Variants in KALRN observed in about 807,000 individuals in gnomAD.
KALRN encodes the protein kalirin.
KALRN carries 70 observed loss-of-function variants against 353.7 expected under a neutral mutation model. That is an observed-to-expected ratio of 0.20 (90% confidence interval 0.16 to 0.24). The LOEUF (loss-of-function observed/expected upper bound fraction) is 0.24. KALRN is among the 10% of genes least tolerant of loss of function. KALRN has a pLI of 1.00. For synonymous variants in KALRN, 1,391 were observed against 1,434.8 expected (o/e 0.97, Z 0.69); for missense variants, 2,791 against 3,756.7 (o/e 0.74, Z 6.72).
intron 1 of KALRN, among the ~76,000 whole-genome samples, chr3:124,064,872 C>T (rs1261885030): frequency 5.3e-5 from 8 of 152,168 alleles, no homozygotes; most frequent in Non-Finnish European, 2.9e-5. Context: ...ATGTTGACCC[C>T]TCAAAATTTC....
intron 34 of KALRN, among the ~76,000 whole-genome samples, chr3:124,586,775 C>T (rs1278355718): frequency 6.6e-6 from 1 of 152,142 alleles, no homozygotes; most frequent in African/African-American, 2.4e-5. Flanking sequence ...TGCTTTACTC[C>T]TCACTCCCCT....
intron 9 of KALRN, among the ~76,000 whole-genome samples, chr3:124,336,110 G>A (rs1266925341): frequency 6.6e-6 from 1 of 152,088 alleles, no homozygotes; most frequent in South Asian, 2.1e-4. Context: ...ATGGGCCTTC[G>A]AGCATGCCCC....
chr3:124,230,838 A>G (rs1489978665), intron 2 of KALRN, among the ~76,000 whole-genome samples: 1 of 143,288 alleles, frequency 7.0e-6, no homozygotes, highest in African/African-American at 2.6e-5. Flanking sequence ...ACAAAACAAA[A>G]CAAAAAAACC....
chr3:124,147,534 T>A (rs993734846), intron 1 of KALRN, among the ~76,000 whole-genome samples: 1 of 152,172 alleles, frequency 6.6e-6, no homozygotes, highest in African/African-American at 2.4e-5. Flanking sequence ...TAGAAAAAAA[T>A]TATTTTGAAA....
intron 33 of KALRN, among the ~76,000 whole-genome samples, chr3:124,548,195 C>T (rs2069962632): frequency 6.6e-6 from 1 of 152,148 alleles, no homozygotes; most frequent in Non-Finnish European, 1.5e-5. Flanking sequence ...GGAAGGGGTA[C>T]AGGAAAGAAA....
intron 1 of KALRN, among the ~76,000 whole-genome samples, chr3:124,180,393 C>A (rs1178082396): frequency 4.6e-5 from 7 of 152,152 alleles, no homozygotes; most frequent in Non-Finnish European, 5.9e-5. Flanking sequence ...GTGTTGCCTT[C>A]CCCCAGCTTT....
intron 1 of KALRN, among the ~76,000 whole-genome samples, chr3:124,157,748 T>G (rs192686087): frequency 1.0e-3 from 159 of 152,284 alleles, no homozygotes; most frequent in African/African-American, 3.7e-3. Flanking sequence ...TGCTGTCCTG[T>G]GTGGTATTTC....
intron 34 of KALRN, among the ~76,000 whole-genome samples, chr3:124,624,819 G>A: frequency 6.6e-6 from 1 of 152,270 alleles, no homozygotes; most frequent in South Asian, 2.1e-4. Flanking sequence ...GGAAGAGATT[G>A]CAGGCATTGG....
At chr3:124,099,845 G>T (rs2061719161) in intron 1 of KALRN, among the ~76,000 whole-genome samples, 1 of 152,056 alleles carries the variant, frequency 6.6e-6, no homozygotes, top group Non-Finnish European at 1.5e-5. Context: ...ATACCTGTTG[G>T]CCATTTGTAT....
intron 10 of KALRN, among the ~76,000 whole-genome samples, chr3:124,360,023 A>C (rs10511423): frequency 0.32 from 48,207 of 152,230 alleles, 8,681 homozygotes; most frequent in Middle Eastern, 0.49. Flanking sequence ...TCAAACAAGG[A>C]AAGCCAATAG....
intron 10 of KALRN, 72 bp from the exon 11 acceptor site, chr3:124,384,773 C>T (rs1320978808): frequency 7.0e-7 from 1 of 1,437,888 alleles, no homozygotes; most frequent in African/African-American, 1.4e-5. Context: ...GCTTCAGCTC[C>T]GGGGAGCCCC....
chr3:124,410,039 A>T (rs1007485481), intron 13 of KALRN, among the ~76,000 whole-genome samples: 2 of 152,128 alleles, frequency 1.3e-5, no homozygotes, highest in African/African-American at 4.8e-5. Context: ...GTGTCAGATG[A>T]TGAGAGTGGA....
chr3:124,536,403 T>C (rs1459636683), intron 33 of KALRN, among the ~76,000 whole-genome samples: 2 of 152,044 alleles, frequency 1.3e-5, no homozygotes, highest in African/African-American at 4.8e-5. Context: ...GGTTTTGCCA[T>C]GTTGGCCAGG....
At chr3:124,313,653 C>A (rs2078508870) in intron 6 of KALRN, among the ~76,000 whole-genome samples, 1 of 152,226 alleles carries the variant, frequency 6.6e-6, no homozygotes, top group African/African-American at 2.4e-5. Flanking sequence ...ACTCTGACTG[C>A]CCGCTGGAGT....
At chr3:124,035,921 A>T (rs971770010) in intron 1 of KALRN, among the ~76,000 whole-genome samples, 1 of 152,212 alleles carries the variant, frequency 6.6e-6, no homozygotes, top group Non-Finnish European at 1.5e-5. Context: ...GATGACCTGT[A>T]ACATGTTGCA....
chr3:124,307,194 T>C (rs892172261), intron 6 of KALRN, among the ~76,000 whole-genome samples: 2 of 152,118 alleles, frequency 1.3e-5, no homozygotes, highest in African/African-American at 4.8e-5. Flanking sequence ...GTTGGGCCTA[T>C]AACATAAAAA....
intron 1 of KALRN, among the ~76,000 whole-genome samples, chr3:124,166,058 C>T (rs1465429368): frequency 6.6e-6 from 1 of 152,158 alleles, no homozygotes; most frequent in East Asian, 1.9e-4. Flanking sequence ...TGCTCCCCAG[C>T]ATTCAGGCCC....
At chr3:124,387,741 G>A (rs960731819) in intron 11 of KALRN, among the ~76,000 whole-genome samples, 1 of 152,130 alleles carries the variant, frequency 6.6e-6, no homozygotes, top group East Asian at 1.9e-4. Flanking sequence ...GTATACAAAG[G>A]GGTTTATGGT....
At chr3:124,316,610 TTCAGGGTCAAGC>T (rs2078837299) in intron 6 of KALRN, among the ~76,000 whole-genome samples, 1 of 152,240 alleles carries the variant, frequency 6.6e-6, no homozygotes, top group Admixed American at 6.5e-5. Context: ...TCTTACTTCA[TTCAGGGTCAAGC>T]TCAGGGGTCA....
Sources: allele counts gnomAD v4.1 joint callset (sites outside exome capture counted in the v4.1 genomes callset), GRCh38; gene constraint gnomAD v4.1.1; transcripts MANE v1.5; gene names NCBI Gene and HGNC (gene_info 2026-07-23, HGNC 2026-07-21).